The following ZNF416 variants were observed in gnomAD, a reference collection of about 807,000 sequenced individuals.
The protein encoded by ZNF416 is zinc finger protein 416.
ZNF416 carries 5 observed loss-of-function variants against 10.9 expected under a neutral mutation model. The observed-to-expected ratio is 0.46, with a 90% CI of 0.24 to 0.97. The LOEUF (loss-of-function observed/expected upper bound fraction) is 0.97, where lower values mean the gene tolerates loss of function less well. ZNF416 is among the 50% of genes least tolerant of loss of function. The probability of loss-of-function intolerance (pLI) is 0.19; values close to 1 mark genes in which losing one functional copy is unlikely to be tolerated. For missense variants in ZNF416, 675 were observed against 715.0 expected, an observed-to-expected ratio of 0.94 and a Z score of 0.64; for synonymous variants, 267 against 251.8, an observed-to-expected ratio of 1.06 and a Z score of -0.57.
chr19:57,572,655 T>C lies in ZNF416; in HGVS notation c.1249A>G (p.Lys417Glu). Residue 417 changes from lysine to glutamate, a missense_variant, in exon 4 of 4, where the codon AAA becomes GAA. By Grantham distance (56) the Lys-to-Glu change is moderately conservative. Coordinates refer to ENST00000196489, the MANE Select transcript of ZNF416 (RefSeq NM_017879.3). This position sits in a 1 kb window ranked among gnomAD's most constrained non-coding sequence, Gnocchi z 4.5. ...ARPYECGQCG[K>E]SFSLKCGLIQ... The stretch of plus-strand genomic sequence containing the variant: ...AGGCCACACTTTAGGCTAAATGATT[T>C]CCCACACTGGCCACACTCATAAGGC... The C allele has an allele frequency of 1.2e-6, 2 of 1,614,222 alleles. No homozygotes were observed. Among genetic ancestry groups the C allele is most frequent in the Non-Finnish European group, 1.7e-6 (2 of 1,180,036 alleles).
In ZNF416 at chr19:57,572,180, T is replaced by A; in HGVS notation, c.1724A>T (p.Glu575Val). The A allele has an allele frequency of 2.5e-6, 4 of 1,614,200 alleles. No individual in the cohort carries two copies. Among genetic ancestry groups the A allele is most frequent in the Non-Finnish European group, 3.4e-6 (4 of 1,180,018 alleles). Reference sequence around the variant, plus strand: ...ACATTTGCTGCTGTCACGAGGCCTCTCCACAGTGTGAGATTTTCGGTGGAG... The same window carrying A: ...ACATTTGCTGCTGTCACGAGGCCTCACCACAGTGTGAGATTTTCGGTGGAG... ...LILHRKSHTV[E>V]RPRDSSKCGK... Residue 575 changes from glutamate to valine, a missense_variant, in exon 4 of 4, where the codon GAG becomes GTG. Glu to Val is a moderately radical substitution (Grantham distance 121). Coordinates refer to ENST00000196489, the MANE Select transcript of ZNF416 (RefSeq NM_017879.3). The surrounding 1 kb of genome is among the most constrained non-coding windows in gnomAD (Gnocchi z 4.5).
chr19:57,575,191 G>A lies in ZNF416; in HGVS notation c.202+613C>T, dbSNP rs539019808. On this transcript the variant is annotated intron_variant, in intron 3 of 3. Coordinates refer to ENST00000196489, the MANE Select transcript of ZNF416 (RefSeq NM_017879.3). The surrounding 1 kb of genome is among the most constrained non-coding windows in gnomAD (Gnocchi z 4.4). Reference sequence around the variant, plus strand: ...TGTCCTCACCCAGGTGCCACTGACTGAGGCCAGGCTTCCTCTGAAGCCATA... The same window carrying A: ...TGTCCTCACCCAGGTGCCACTGACTAAGGCCAGGCTTCCTCTGAAGCCATA... Among the ~76,000 whole-genome samples the A allele has an allele frequency of 3.9e-5, 6 of 152,324 alleles. No individual in the cohort carries two copies. The East Asian group carries it at 1.2e-3, about 29-fold the overall frequency.
chr19:57,573,773 T>C (rs1978421160), intron 3 of ZNF416, 72 bp from the exon 4 acceptor site: 6 of 1,519,822 alleles, frequency 3.9e-6, no homozygotes, highest in African/African-American at 1.4e-5. Flanking sequence ...TAAAAAACTA[T>C]TTTCTGAATA....
Position 57,575,276 on chromosome 19 carries a change from A to C in ZNF416, c.202+528T>G, listed in dbSNP as rs1233641774. 2.6e-5 allele frequency among the ~76,000 whole-genome samples: 4 copies of C among 152,264 alleles called. No individual in the cohort carries two copies. The South Asian group carries it at 6.2e-4, about 24-fold the overall frequency. ...TCCCACCACCTCTAGATGTGCCACT[A>C]CTTGGGACCTGAATGAAGCAAGTCC... is the stretch of plus-strand genomic sequence containing the variant. On this transcript the variant is annotated intron_variant, in intron 3 of 3. Transcript: ENST00000196489. The surrounding 1 kb of genome is among the most constrained non-coding windows in gnomAD (Gnocchi z 4.4).
chr19:57,578,901 C>G lies in ZNF416; in HGVS notation c.-197G>C, dbSNP rs1429252361. 2.1e-6 allele frequency: 1 copy of G among 466,530 alleles called. No homozygotes were observed. The highest frequency in any genetic ancestry group is 3.5e-5 in the East Asian group (1 of 28,178). 28.9% of individuals were successfully genotyped at this position (466,530 alleles called of 1,614,324 possible). On this transcript the variant is annotated 5_prime_UTR_variant, in exon 1 of 4. Transcript: ENST00000196489. ...CCAAAATTACCATCTCGGAGCGGTG[C>G]CGGAAGTCCCGCCTTACCGTATGCA...
At chr19:57,574,047 T>TA (rs916326846) in intron 3 of ZNF416, among the ~76,000 whole-genome samples, 1 of 151,814 alleles carries the variant, frequency 6.6e-6, no homozygotes, top group African/African-American at 2.4e-5. Context: ...CAAAACAAAA[T>TA]AAAAAACATT....
Position 57,571,889 on chromosome 19 carries a change from T to C in ZNF416, c.*230A>G. The C allele has an allele frequency of 1.9e-6, 1 of 536,440 alleles. No individual in the cohort carries two copies. The highest frequency in any genetic ancestry group is 3.3e-6 in the Non-Finnish European group (1 of 304,110). The allele number at this position is 536,440 out of a possible 1,614,324, so 33.2% of individuals were successfully genotyped here. A position where few individuals can be genotyped will look rare whatever the true frequency, so the allele number is the denominator to read the frequency against. On this transcript the variant is annotated 3_prime_UTR_variant, in exon 4 of 4. Transcript: ENST00000196489. Reference sequence around the variant, plus strand: ...CTTAGTATGCAAGGGTGACTAATGATTTAACTCTGGCAAAGGCCTCCAGCA... The same window carrying C: ...CTTAGTATGCAAGGGTGACTAATGACTTAACTCTGGCAAAGGCCTCCAGCA...
rs1978631066 is a variant in ZNF416, at chr19:57,578,485, G to GC, written c.33+186dup. ...GTCCCAGCAAGATTCACAGAAACCG[G>GC]CCCCTCCGCCTGCCACACCCTCCAC... On this transcript the variant is annotated intron_variant, in intron 1 of 3. Coordinates refer to ENST00000196489, the MANE Select transcript of ZNF416 (RefSeq NM_017879.3). 4 of 593,366 alleles carry GC rather than the reference G, an allele frequency of 6.7e-6. No individual in the cohort carries two copies. The African/African-American group carries it at 7.7e-5, about 11-fold the overall frequency. 36.8% of individuals were successfully genotyped at this position (593,366 alleles called of 1,614,324 possible). A position where few individuals can be genotyped will look rare whatever the true frequency, so the allele number is the denominator to read the frequency against.
chr19:57,572,841 C>T lies in ZNF416; in HGVS notation c.1063G>A (p.Glu355Lys). The T allele has an allele frequency of 6.2e-7, 1 of 1,614,098 alleles. No individual in the cohort carries two copies. Among genetic ancestry groups the T allele is most frequent in the South Asian group, 1.1e-5 (1 of 91,084 alleles). Reference protein sequence around the residue: ...CRIHTGERPYECDECGKAFGS... With the variant: ...CRIHTGERPYKCDECGKAFGS... ...AAGGCTTTTCCACATTCATCACACT[C>T]ATAAGGCCTTTCTCCAGTGTGAATT... is the stretch of plus-strand genomic sequence containing the variant. The change falls in exon 4 of 4, where the codon GAG (glutamate) becomes AAG (lysine). Residue 355 changes from glutamate (E) to lysine (K), a missense_variant. Glu to Lys is a moderately conservative substitution (Grantham distance 56, BLOSUM62 1). Transcript: ENST00000196489. This position sits in a 1 kb window ranked among gnomAD's most constrained non-coding sequence, Gnocchi z 4.5.
chr19:57,572,544 TG>T lies in ZNF416; in HGVS notation c.1359del (p.Asn454IlefsTer66). 6.2e-7 allele frequency: 1 copy of T among 1,614,134 alleles called. No homozygotes were observed. The highest frequency in any genetic ancestry group is 8.5e-7 in the Non-Finnish European group (1 of 1,180,030). On this transcript the variant is annotated frameshift_variant, in exon 4 of 4. Transcript: ENST00000196489. LOFTEE classifies it low-confidence loss of function (END_TRUNC). The surrounding 1 kb of genome is among the most constrained non-coding windows in gnomAD (Gnocchi z 4.5). ...CGKSFSQRTT[L>X]NKHHKVHTAE... ...GCAGTGTGAACTTTGTGGTGTTTAT[TG>T]AGGGTGGTTCTTTGGCTAAAGGATT...
chr19:57,578,608 C>T, intron 1 of ZNF416, 64 bp downstream of exon 1: 2 of 1,466,654 alleles, frequency 1.4e-6, no homozygotes, highest in Non-Finnish European at 1.8e-6. Flanking sequence ...GCAGGCGCCC[C>T]TCATGCAGGG....
chr19:57,572,582 T>C lies in ZNF416; in HGVS notation c.1322A>G (p.Asp441Gly). Residue 441 changes from aspartate (D) to glycine (G), a missense_variant, in exon 4 of 4, where the codon GAT becomes GGT. Asp to Gly is a moderately conservative substitution (Grantham distance 94, BLOSUM62 -1). Transcript: ENST00000196489. The surrounding 1 kb of genome is among the most constrained non-coding windows in gnomAD (Gnocchi z 4.5). The stretch of plus-strand genomic sequence containing the variant: ...TTGGCTAAAGGATTTTCCGCACTCA[T>C]CACACTCAAAGGGCCTAGCTCCACT... ...IHSGARPFEC[D>G]ECGKSFSQRT... is the part of the protein sequence containing the mutation. The C allele has an allele frequency of 6.2e-7, 1 of 1,613,996 alleles. No individual in the cohort carries two copies. The highest frequency in any genetic ancestry group is 8.5e-7 in the Non-Finnish European group (1 of 1,180,000).
Position 57,572,458 on chromosome 19 carries a change from A to G in ZNF416, c.1446T>C (p.Val482=). The change falls in exon 4 of 4, where the codon GTT becomes GTC. Residue 482 remains valine (V), a synonymous_variant. Transcript: ENST00000196489. This position sits in a 1 kb window ranked among gnomAD's most constrained non-coding sequence, Gnocchi z 4.5. ...CTCCAGTGTGAGTTCTCTGGTGCCT[A>G]ACAAGTTTAGATTTGAACATAAAAG... ...GKAFMFKSKL[V]RHQRTHTGER... 1 of 1,614,172 alleles carries G rather than the reference A, an allele frequency of 6.2e-7. No individual in the cohort carries two copies. Among genetic ancestry groups the G allele is most frequent in the South Asian group, 1.1e-5 (1 of 91,084 alleles).
rs1599911114 is a variant in ZNF416 at position 57,578,399 on chromosome 19, A to G, written c.33+273T>C. 5 of 526,720 alleles carry G rather than the reference A, an allele frequency of 9.5e-6. No individual in the cohort carries two copies. The Admixed American group carries it at 1.3e-4, about 14-fold the overall frequency. 32.6% of individuals were successfully genotyped at this position (526,720 alleles called of 1,614,324 possible). ...CTGTTCACAACCACCCATGGCTCTC[A>G]GCGTCTTGAAAAGAAAGAGCCTCAT... On this transcript the variant is annotated intron_variant, in intron 1 of 3. Transcript: ENST00000196489.
At chr19:57,578,584 C>T (rs955439666) in intron 1 of ZNF416, 88 bp downstream of exon 1, 65 of 1,400,582 alleles carry the variant, frequency 4.6e-5, no homozygotes, top group Non-Finnish European at 6.1e-5. Context: ...TAGGGTCGGG[C>T]TGCAGGGACG....
intron 2 of ZNF416, among the ~76,000 whole-genome samples, chr19:57,577,104 A>C (rs1269567827): frequency 6.6e-6 from 1 of 152,120 alleles, no homozygotes; most frequent in Non-Finnish European, 1.5e-5. Context: ...TTGTGTCCCA[A>C]GCTATACCCC....
Position 57,573,463 on chromosome 19 carries a change from T to G in ZNF416, c.441A>C (p.Lys147Asn), listed in dbSNP as rs760248388. 1 of 1,613,700 alleles carries G rather than the reference T, an allele frequency of 6.2e-7. No individual in the cohort carries two copies. Among genetic ancestry groups the G allele is most frequent in the Non-Finnish European group, 8.5e-7 (1 of 1,179,932 alleles). ...CCTTGTCCATGTCACTTTCCAAGGGTTTCTCTGCACTATGATGCTTCTGGT... is the reference window on the plus strand; with the variant it reads ...CCTTGTCCATGTCACTTTCCAAGGGGTTCTCTGCACTATGATGCTTCTGGT... ...HQDQKHHSAE[K>N]PLESDMDKAS... Residue 147 changes from lysine (K) to asparagine (N), a missense_variant, in exon 4 of 4, where the codon AAA becomes AAC. Lys to Asn is a moderately conservative substitution (Grantham distance 94, BLOSUM62 0). Coordinates refer to ENST00000196489, the MANE Select transcript of ZNF416 (RefSeq NM_017879.3).
At position 57,573,236 on chromosome 19, in the gene ZNF416, T is replaced by A. The variant is rs144490664; in HGVS notation, c.668A>T (p.Glu223Val). The change falls in exon 4 of 4, where the codon GAG becomes GTG. Residue 223 changes from glutamate to valine, a missense_variant. Glu to Val is a moderately radical substitution (Grantham distance 121). Transcript: ENST00000196489. ...SHYKWSQCRR[E>V]SSHKHTFFHP... Reference sequence around the variant, plus strand: ...AAAAAAAGTGTGTTTGTGGCTGGACTCTCTCCTGCATTGACTCCACTTGTA... The same window carrying A: ...AAAAAAAGTGTGTTTGTGGCTGGACACTCTCCTGCATTGACTCCACTTGTA... 6 of 1,614,136 alleles carry A rather than the reference T, an allele frequency of 3.7e-6. No individual in the cohort carries two copies. The highest frequency in any genetic ancestry group is 3.3e-4 in the Middle Eastern group (2 of 6,084).
Position 57,573,363 on chromosome 19 carries a change from G to A in ZNF416, c.541C>T (p.Leu181=), listed in dbSNP as rs200563472. Residue 181 remains leucine (L), a synonymous_variant, in exon 4 of 4, where the codon CTA becomes TTA. Coordinates refer to ENST00000196489, the MANE Select transcript of ZNF416 (RefSeq NM_017879.3). ...GGCTGAAGAATGCCCAATGGGGCTA[G>A]GAAGTCCTTCCCAACCTCACTGCTG... ...FTSSEVGKDF[L]APLGILQPQA... 2.5e-6 allele frequency: 4 copies of A among 1,614,062 alleles called. No individual in the cohort carries two copies. The highest frequency in any genetic ancestry group is 1.3e-5 in the African/African-American group (1 of 74,916).
Sources: gnomAD v4.1 joint callset for allele counts (sites outside exome capture counted in the v4.1 genomes callset) on GRCh38, gnomAD v4.1.1 for gene constraint, Gnocchi (gnomAD v3.1) non-coding constraint, MANE v1.5 for transcripts, NCBI Gene and HGNC (gene_info 2026-07-23, HGNC 2026-07-21) for gene names.